The following PHRF1 variants were observed in gnomAD, a reference collection of about 807,000 sequenced individuals.
The protein encoded by PHRF1 is PHD and ring finger domains 1.
In PHRF1, 53 loss-of-function variants were observed where a neutral mutation model predicts 128.9. The ratio of observed to expected loss-of-function variants is 0.41; its 90% confidence interval spans 0.33 to 0.52. The LOEUF is 0.52. Ranked by LOEUF, PHRF1 falls within the 20% of genes least tolerant of loss-of-function variation. The pLI is 0.21. For synonymous variants in PHRF1, 1,178 were observed against 980.6 expected (o/e 1.20, Z -3.76); for missense variants, 2,503 against 2,284.5 (o/e 1.10, Z -1.95).
chr11:611,560 A>T lies in PHRF1; in HGVS notation c.4807-74A>T, dbSNP rs1347557044. The T allele has an allele frequency of 3.3e-5, 53 of 1,600,146 alleles. No homozygotes were observed. The East Asian group carries it at 1.2e-3, about 35-fold the overall frequency. On this transcript the variant is annotated intron_variant, in intron 17 of 17. Coordinates refer to ENST00000264555, the MANE Select transcript of PHRF1 (RefSeq NM_001286581.2). ...CTGAGCAGGGCAGGCGAGGGAGCCC[A>T]GCTTTGGCCCTGGGCTCTGGCCCGG...
rs764642054 is a variant in PHRF1, at chr11:610,655, C to T, written c.4571C>T (p.Ala1524Val). The T allele has an allele frequency of 1.9e-6, 3 of 1,604,288 alleles. No individual in the cohort carries two copies. Among genetic ancestry groups the T allele is most frequent in the Middle Eastern group, 1.6e-4 (1 of 6,082 alleles). The change falls in exon 16 of 18, where the codon GCC becomes GTC. Residue 1524 changes from alanine to valine, a missense_variant. Ala to Val is a moderately conservative substitution (Grantham distance 64). Transcript: ENST00000264555. ...CAGACCCTGGCCCCAGTGCCCGCTGCCCTGACCCCAGCCTCAGAGCCAGCC... is the reference window on the plus strand; with the variant it reads ...CAGACCCTGGCCCCAGTGCCCGCTGTCCTGACCCCAGCCTCAGAGCCAGCC... ...AAQTLAPVPA[A>V]LTPASEPASQ... is the part of the protein sequence containing the mutation.
Position 605,601 on chromosome 11 carries a change from C to T in PHRF1, c.1335-4C>T. The T allele has an allele frequency of 6.2e-7, 1 of 1,613,446 alleles. No homozygotes were observed. The highest frequency in any genetic ancestry group is 1.3e-5 in the African/African-American group (1 of 75,060). ...TTCCCTTTGGCCTGTGTCCTCCCCTCTAGCAGTGAAGAGCTTTCTGCAAAC... is the reference window on the plus strand; with the variant it reads ...TTCCCTTTGGCCTGTGTCCTCCCCTTTAGCAGTGAAGAGCTTTCTGCAAAC... On this transcript the variant is annotated splice_polypyrimidine_tract_variant and splice_region_variant and intron_variant, in intron 11 of 17. Coordinates refer to ENST00000264555, the MANE Select transcript of PHRF1 (RefSeq NM_001286581.2).
At chr11:602,394 A>G (rs1488546674) in intron 10 of PHRF1, among the ~76,000 whole-genome samples, 6 of 152,104 alleles carry the variant, frequency 3.9e-5, no homozygotes, top group African/African-American at 1.4e-4. Context: ...AAAAACTTGA[A>G]TTACGGCCGA....
At chr11:580,079 G>A (rs976419301) in intron 1 of PHRF1, among the ~76,000 whole-genome samples, 3 of 152,148 alleles carry the variant, frequency 2.0e-5, no homozygotes, top group Non-Finnish European at 2.9e-5. Context: ...CCTCTTGTGC[G>A]ATGCGCTTTC....
At chr11:586,225 C>A (rs962477715) in intron 3 of PHRF1, among the ~76,000 whole-genome samples, 1 of 151,992 alleles carries the variant, frequency 6.6e-6, no homozygotes, top group Non-Finnish European at 1.5e-5. Flanking sequence ...ATCTCCTGAC[C>A]TCGTGATCTG....
At chr11:586,765 A>G (rs968331754) in intron 3 of PHRF1, among the ~76,000 whole-genome samples, 10 of 152,076 alleles carry the variant, frequency 6.6e-5, no homozygotes. Context: ...TGCCTCCCAC[A>G]GGGAGGAGGA....
chr11:607,734 G>A lies in PHRF1; in HGVS notation c.2278G>A (p.Ala760Thr). ...AGCCCCCAGCTCCCATGGCAGTTTG[G>A]CCCCACTGGGACCATCAAGAGGGAA... ...PPAPSSHGSL[A>T]PLGPSRGKGV... Residue 760 changes from alanine (A) to threonine (T), a missense_variant, in exon 14 of 18, where the codon GCC (alanine) becomes ACC (threonine). Coordinates refer to ENST00000264555, the MANE Select transcript of PHRF1 (RefSeq NM_001286581.2). 1 of 1,612,084 alleles carries A rather than the reference G, an allele frequency of 6.2e-7. No homozygotes were observed. The highest frequency in any genetic ancestry group is 8.5e-7 in the Non-Finnish European group (1 of 1,179,432).
At position 609,028 on chromosome 11, in the gene PHRF1, C is replaced by A. The variant is rs756646309; in HGVS notation, c.3572C>A (p.Ser1191Tyr). Residue 1191 changes from serine (S) to tyrosine (Y), a missense_variant, in exon 14 of 18, where the codon TCC (serine) becomes TAC (tyrosine). By Grantham distance (144) the Ser-to-Tyr change is moderately radical. Transcript: ENST00000264555. ...REKWPQTRSH[S>Y]PERKGAVREA... is the part of the protein sequence containing the mutation. Reference sequence around the variant, plus strand: ...AAGTGGCCGCAGACCCGGTCCCATTCCCCAGAGAGGAAGGGGGCTGTGAGG... The same window carrying A: ...AAGTGGCCGCAGACCCGGTCCCATTACCCAGAGAGGAAGGGGGCTGTGAGG... 4 of 1,595,360 alleles carry A rather than the reference C, an allele frequency of 2.5e-6. No homozygotes were observed. Among genetic ancestry groups the A allele is most frequent in the South Asian group, 1.1e-5 (1 of 89,210 alleles).
chr11:611,104 G>T, intron 17 of PHRF1, 22 bp downstream of exon 17: 1 of 1,611,938 alleles, frequency 6.2e-7, no homozygotes, highest in Non-Finnish European at 8.5e-7. Context: ...GCGAGCCTGT[G>T]TGTGGGGCTC....
At chr11:577,832 T>C (rs912560953) in intron 1 of PHRF1, among the ~76,000 whole-genome samples, 1 of 152,224 alleles carries the variant, frequency 6.6e-6, no homozygotes, top group Non-Finnish European at 1.5e-5. Flanking sequence ...TTTCATTCCT[T>C]AGTAACAGTT....
chr11:609,610 A>T lies in PHRF1; in HGVS notation c.4154A>T (p.Glu1385Val), dbSNP rs966364159. Residue 1385 changes from glutamate (E) to valine (V), a missense_variant, in exon 14 of 18, where the codon GAG (glutamate) becomes GTG (valine). By Grantham distance (121) the Glu-to-Val change is moderately radical. Coordinates refer to ENST00000264555, the MANE Select transcript of PHRF1 (RefSeq NM_001286581.2). ...AGGGTACAGGAGGCAGCCCGGCCTG[A>T]GGAGGTGGTTTCGCAGACCCCCCTG... ...SGRVQEAARP[E>V]EVVSQTPLLR... 1 of 1,590,074 alleles carries T rather than the reference A, an allele frequency of 6.3e-7. No individual in the cohort carries two copies.
chr11:608,639 C>T lies in PHRF1; in HGVS notation c.3183C>T (p.Ser1061=). Residue 1061 remains serine (S), a synonymous_variant, in exon 14 of 18, where the codon AGC becomes AGT. Coordinates refer to ENST00000264555, the MANE Select transcript of PHRF1 (RefSeq NM_001286581.2). ...GGTCCTCCAGTGACCGCTCCAGCAGCCGAGAGCGAGCTAAGAGGAAGAAAG... is the reference window on the plus strand; with the variant it reads ...GGTCCTCCAGTGACCGCTCCAGCAGTCGAGAGCGAGCTAAGAGGAAGAAAG... ...SRRSSSDRSS[S]RERAKRKKAK... 6.2e-7 allele frequency: 1 copy of T among 1,612,412 alleles called. No individual in the cohort carries two copies. The highest frequency in any genetic ancestry group is 8.5e-7 in the Non-Finnish European group (1 of 1,179,810).
intron 4 of PHRF1, 52 bp from the exon 5 acceptor site, chr11:591,332 C>T (rs1171509375): frequency 7.4e-6 from 11 of 1,485,208 alleles, no homozygotes; most frequent in Non-Finnish European, 1.0e-5. Context: ...AATTTTTGAT[C>T]TCTAAGTGAA....
chr11:604,493 T>A (rs1226287526), intron 10 of PHRF1, among the ~76,000 whole-genome samples: 1 of 152,234 alleles, frequency 6.6e-6, no homozygotes, highest in East Asian at 1.9e-4. Context: ...TTGTGTCATC[T>A]TCTCAAGGCT....
chr11:610,191 C>T lies in PHRF1; in HGVS notation c.4265-5C>T. 2 of 1,507,038 alleles carry T rather than the reference C, an allele frequency of 1.3e-6. No homozygotes were observed. The highest frequency in any genetic ancestry group is 1.3e-5 in the South Asian group (1 of 79,020). 93.4% of individuals were successfully genotyped at this position (1,507,038 alleles called of 1,614,324 possible). The stretch of plus-strand genomic sequence containing the variant: ...CACCCACCTCCCTGTCTGTCGGGCC[C>T]CCAGGGGCACCACTTCACAGGCCAC... On this transcript the variant is annotated splice_region_variant and splice_polypyrimidine_tract_variant and intron_variant, in intron 14 of 17. Coordinates refer to ENST00000264555, the MANE Select transcript of PHRF1 (RefSeq NM_001286581.2).
chr11:599,257 T>C (rs1171492820), intron 9 of PHRF1, among the ~76,000 whole-genome samples: 4 of 143,220 alleles, frequency 2.8e-5, no homozygotes, highest in South Asian at 2.3e-4. Flanking sequence ...TCTTTTCTTT[T>C]TTTTTTTTTT....
intron 4 of PHRF1, among the ~76,000 whole-genome samples, chr11:590,820 C>T (rs1854927268): frequency 2.0e-5 from 3 of 152,124 alleles, no homozygotes; most frequent in African/African-American, 7.2e-5. Context: ...TCTCCTGCCT[C>T]AGCCTCCCGA....
At chr11:583,538 C>T (rs1040038692) in intron 3 of PHRF1, among the ~76,000 whole-genome samples, 4 of 152,192 alleles carry the variant, frequency 2.6e-5, no homozygotes, top group Non-Finnish European at 1.5e-5. Context: ...AAATTCTCAG[C>T]TCACTTACAA....
rs778184477 is a variant in PHRF1, at chr11:610,599, G to T, written c.4515G>T (p.Gly1505=). Reference sequence around the variant, plus strand: ...CCACGGTCCAGTTCATCCTTCAGGGGAGCCTGCCGCTAGTGGGCTGTGGGG... The same window carrying T: ...CCACGGTCCAGTTCATCCTTCAGGGTAGCCTGCCGCTAGTGGGCTGTGGGG... ...SQPTVQFILQ[G]SLPLVGCGAA... The change falls in exon 16 of 18, where the codon GGG becomes GGT. Residue 1505 remains glycine (G), a synonymous_variant. Coordinates refer to ENST00000264555, the MANE Select transcript of PHRF1 (RefSeq NM_001286581.2). 4 of 1,606,380 alleles carry T rather than the reference G, an allele frequency of 2.5e-6. No homozygotes were observed. The highest frequency in any genetic ancestry group is 8.5e-7 in the Non-Finnish European group (1 of 1,179,798).
Sources: gnomAD v4.1 joint callset for allele counts (sites outside exome capture counted in the v4.1 genomes callset) on GRCh38, gnomAD v4.1.1 for gene constraint, MANE v1.5 for transcripts, NCBI Gene and HGNC (gene_info 2026-07-23, HGNC 2026-07-21) for gene names.